Variants in GFRA1 observed in about 807,000 individuals in gnomAD.
GFRA1 encodes the protein GDNF family receptor alpha-1.
A neutral mutation model predicts 51.6 loss-of-function variants in GFRA1; 16 were observed. That is an observed-to-expected ratio of 0.31 (90% CI 0.21 to 0.47). The LOEUF (loss-of-function observed/expected upper bound fraction) is 0.47. Among genes scored for constraint, GFRA1 ranks in the 20% least tolerant of loss-of-function variants. The probability of loss-of-function intolerance (pLI) is 1.00; values close to 1 mark genes in which losing one functional copy is unlikely to be tolerated. For synonymous variants in GFRA1, 270 were observed against 241.3 expected (o/e 1.12, Z -1.10); for missense variants, 530 against 594.3 (o/e 0.89, Z 1.13).
chr10:116,229,099 G>A (rs565454469), intron 4 of GFRA1, among the ~76,000 whole-genome samples: 61 of 151,000 alleles, frequency 4.0e-4, no homozygotes, highest in African/African-American at 1.4e-3. Flanking sequence ...CCGACTCCTC[G>A]AGTTTAGTCT....
intron 4 of GFRA1, among the ~76,000 whole-genome samples, chr10:116,225,076 A>C (rs1966182932): frequency 6.6e-6 from 1 of 152,134 alleles, no homozygotes; most frequent in Non-Finnish European, 1.5e-5. Context: ...TGTGCTGTTC[A>C]ATACAGTAGC....
chr10:116,270,734 GGAGGATGAGATCAGCT>G, intron 3 of GFRA1, 72 bp downstream of exon 3: 1 of 1,074,032 alleles, frequency 9.3e-7, no homozygotes, highest in Non-Finnish European at 1.4e-6. Context: ...AGAAGTGAGT[GGAGGATGAGATCAGCT>G]GGCCCAGGGA....
chr10:116,145,777 A>T (rs909976073), intron 5 of GFRA1, among the ~76,000 whole-genome samples: 2 of 152,146 alleles, frequency 1.3e-5, no homozygotes, highest in East Asian at 3.8e-4. Context: ...ATTTACTTCA[A>T]ATTAGTCGCT....
intron 4 of GFRA1, among the ~76,000 whole-genome samples, chr10:116,212,418 G>A (rs1446070589): frequency 1.3e-5 from 2 of 151,980 alleles, no homozygotes; most frequent in Non-Finnish European, 2.9e-5. Context: ...TACTCGGGAG[G>A]CTGAGGCAGG....
At chr10:116,096,952 T>A (rs1171916865) in intron 6 of GFRA1, among the ~76,000 whole-genome samples, 188 bp from the exon 7 acceptor site, 3 of 152,082 alleles carry the variant, frequency 2.0e-5, no homozygotes, top group Admixed American at 2.0e-4. Flanking sequence ...TGGCATCCTT[T>A]CTCATTCAAC....
At chr10:116,113,428 G>A (rs538658676) in intron 6 of GFRA1, among the ~76,000 whole-genome samples, 30 of 152,228 alleles carry the variant, frequency 2.0e-4, no homozygotes, top group African/African-American at 6.7e-4. Flanking sequence ...TTTGAAACCC[G>A]CGGTTTTAAT....
chr10:116,234,299 C>G (rs1395908735), intron 4 of GFRA1, among the ~76,000 whole-genome samples: 2 of 152,148 alleles, frequency 1.3e-5, no homozygotes, highest in African/African-American at 4.8e-5. Flanking sequence ...TGGACAGCAT[C>G]TTGGGGATCT....
intron 6 of GFRA1, among the ~76,000 whole-genome samples, chr10:116,123,196 C>T (rs188867558): frequency 4.9e-4 from 75 of 152,344 alleles, no homozygotes; most frequent in African/African-American, 1.7e-3. Context: ...GAGGCTCTGC[C>T]TCTTTCTCAG....
At chr10:116,065,277 C>T (rs1434789905) in intron 10 of GFRA1, among the ~76,000 whole-genome samples, 2 of 152,194 alleles carry the variant, frequency 1.3e-5, no homozygotes, top group Admixed American at 6.5e-5. Flanking sequence ...TGCTATGTAT[C>T]GTCTCTGTGC....
intron 5 of GFRA1, among the ~76,000 whole-genome samples, chr10:116,206,126 T>G (rs79564287): frequency 9.9e-5 from 15 of 152,084 alleles, no homozygotes; most frequent in Admixed American, 2.0e-4. Context: ...ACCATAAAAG[T>G]GTTCACGCAT....
At chr10:116,258,096 T>C (rs1378585204) in intron 4 of GFRA1, among the ~76,000 whole-genome samples, 1 of 152,192 alleles carries the variant, frequency 6.6e-6, no homozygotes, top group Non-Finnish European at 1.5e-5. Flanking sequence ...TTCTATGGGT[T>C]CTACTCATTC....
intron 6 of GFRA1, among the ~76,000 whole-genome samples, chr10:116,121,703 G>A (rs1439707482): frequency 2.6e-5 from 4 of 152,136 alleles, no homozygotes; most frequent in Non-Finnish European, 5.9e-5. Flanking sequence ...CGAAGAATAT[G>A]GTTTTTAGGA....
chr10:116,268,254 G>A (rs576392064), intron 4 of GFRA1, among the ~76,000 whole-genome samples: 2 of 152,244 alleles, frequency 1.3e-5, no homozygotes, highest in African/African-American at 2.4e-5. Flanking sequence ...GTGATTTGGG[G>A]CTGTTTCCCT....
rs7905282 is a variant in GFRA1 at position 116,121,451 on chromosome 10, T to C, written c.770+3770A>G. On this transcript the variant is annotated intron_variant, in intron 6 of 10. Transcript: ENST00000355422. The stretch of plus-strand genomic sequence containing the variant: ...AAGGAATCTGTCAGCTTCCCTAAAA[T>C]GGAAAAGGAAAAAGGAAAACAAAGT... Among the ~76,000 whole-genome samples the C allele has an allele frequency of 4.5e-4, 68 of 152,058 alleles. No individual in the cohort carries two copies. In the South Asian group the frequency reaches 0.013, roughly 29 times the overall value.
chr10:116,273,911 G>A (rs1189593299), upstream of GFRA1, among the ~76,000 whole-genome samples: 1 of 152,066 alleles, frequency 6.6e-6, no homozygotes, highest in African/African-American at 2.4e-5. Context: ...GCCAGCGCGT[G>A]CACACTCACA....
chr10:116,106,133 C>T (rs1276449849), intron 6 of GFRA1, among the ~76,000 whole-genome samples: 7 of 152,094 alleles, frequency 4.6e-5, no homozygotes, highest in Non-Finnish European at 8.8e-5. Context: ...TGGGGAAAGG[C>T]AAAGAAATGG....
At chr10:116,209,331 G>C (rs1296869564) in intron 5 of GFRA1, among the ~76,000 whole-genome samples, 1 of 152,178 alleles carries the variant, frequency 6.6e-6, no homozygotes, top group Non-Finnish European at 1.5e-5. Flanking sequence ...GTTGTCAACT[G>C]CAAGCCTGCT....
At position 116,227,422 on chromosome 10, in the gene GFRA1, G is replaced by A. The variant is rs537808547; in HGVS notation, c.419-15777C>T. Reference sequence around the variant, plus strand: ...CGTCATGGTGCTGGCAAGTGGCACAGCCATGATTCAAACTTGGATTTGCCT... The same window carrying A: ...CGTCATGGTGCTGGCAAGTGGCACAACCATGATTCAAACTTGGATTTGCCT... On this transcript the variant is annotated intron_variant, in intron 4 of 10. Coordinates refer to ENST00000355422, the MANE Select transcript of GFRA1 (RefSeq NM_005264.8). Among the ~76,000 whole-genome samples, 4 of 152,326 alleles carry A rather than the reference G, an allele frequency of 2.6e-5. No individual in the cohort carries two copies. In the East Asian group the frequency reaches 7.7e-4, roughly 29 times the overall value.
At chr10:116,189,286 T>G (rs1309852304) in intron 5 of GFRA1, among the ~76,000 whole-genome samples, 1 of 152,194 alleles carries the variant, frequency 6.6e-6, no homozygotes, top group East Asian at 1.9e-4. Flanking sequence ...ACAGTGCCTT[T>G]GTTCATCCAA....
Sources: allele counts gnomAD v4.1 joint callset (sites outside exome capture counted in the v4.1 genomes callset), GRCh38; gene constraint gnomAD v4.1.1; transcripts MANE v1.5; gene names NCBI Gene and HGNC (gene_info 2026-07-23, HGNC 2026-07-21).